The following ABCG2 variants were observed in gnomAD, a reference collection of about 807,000 sequenced individuals.
ABCG2 encodes ATP binding cassette subfamily G member 2 (JR blood group).
ABCG2 carries 80 observed loss-of-function variants against 73.5 expected under a neutral mutation model. The ratio of observed to expected loss-of-function variants is 1.09; its 90% CI spans 0.91 to 1.31. The LOEUF is 1.31. ABCG2 is among the 50% of genes most tolerant of loss of function. ABCG2 has a pLI of 0.00. For synonymous variants in ABCG2, 269 were observed against 282.4 expected, an observed-to-expected ratio of 0.95 and a Z score of 0.48; for missense variants, 796 against 786.2, an observed-to-expected ratio of 1.01 and a Z score of -0.15.
At chr4:88,143,112 T>C (rs1230591855) in intron 1 of ABCG2, among the ~76,000 whole-genome samples, 1 of 152,156 alleles carries the variant, frequency 6.6e-6, no homozygotes, top group Non-Finnish European at 1.5e-5. Context: ...TGATTTAAAG[T>C]ATATGGAACA....
chr4:88,165,332 G>C (rs1727473908), intron 1 of ABCG2, among the ~76,000 whole-genome samples: 1 of 152,132 alleles, frequency 6.6e-6, no homozygotes, highest in Admixed American at 6.5e-5. Context: ...TGGGTCTAGT[G>C]GTCTAAAATC....
At chr4:88,142,579 G>T (rs961548089) in intron 1 of ABCG2, among the ~76,000 whole-genome samples, 4 of 152,194 alleles carry the variant, frequency 2.6e-5, no homozygotes, top group African/African-American at 9.7e-5. Flanking sequence ...CAGTGAAAGA[G>T]AAGGCACAAG....
intron 12 of ABCG2, among the ~76,000 whole-genome samples, chr4:88,098,299 T>C (rs1305077648): frequency 6.6e-6 from 1 of 152,110 alleles, no homozygotes; most frequent in African/African-American, 2.4e-5. Context: ...GTTCTTATCT[T>C]GTAGTGTCAA....
intron 1 of ABCG2, among the ~76,000 whole-genome samples, chr4:88,197,817 A>T (rs904967249): frequency 6.6e-6 from 1 of 151,804 alleles, no homozygotes; most frequent in African/African-American, 2.4e-5. Context: ...AATAAATAAG[A>T]GGCCAGGAGT....
rs1002012563 is a variant in ABCG2 at position 88,097,565 on chromosome 4, G to C, written c.1535C>G (p.Thr512Ser). 9 of 1,614,168 alleles carry C rather than the reference G, an allele frequency of 5.6e-6. No homozygotes were observed. In the Admixed American group the frequency reaches 1.0e-4, roughly 18 times the overall value. The change falls in exon 13 of 16, where the codon ACC (threonine) becomes AGC (serine). Residue 512 changes from threonine to serine, a missense_variant. Thr to Ser is a moderately conservative substitution (Grantham distance 58). Transcript: ENST00000237612. The stretch of plus-strand genomic sequence containing the variant: ...GGCTGAATAAGCCACCATCATAAGG[G>C]TAAACATCATAACGAAGAAGGCATC... ...KADAFFVMMF[T>S]LMMVAYSASS...
intron 1 of ABCG2, among the ~76,000 whole-genome samples, chr4:88,190,134 T>C (rs1003357253): frequency 6.6e-6 from 1 of 152,266 alleles, no homozygotes; most frequent in South Asian, 2.1e-4. Flanking sequence ...ACAAGAGTTG[T>C]TGTTTGTTGG....
rs756267748 is a variant in ABCG2, at chr4:88,131,767, A to AGAG, written c.378+33_378+35dup. 3 of 1,494,464 alleles carry AGAG rather than the reference A, an allele frequency of 2.0e-6. No homozygotes were observed. In the Admixed American group the frequency reaches 5.1e-5, roughly 26 times the overall value. The allele number at this position is 1,494,464 out of a possible 1,614,324, so 92.6% of individuals were successfully genotyped here. On this transcript the variant is annotated intron_variant, in intron 4 of 15. Coordinates refer to ENST00000237612, the MANE Select transcript of ABCG2 (RefSeq NM_004827.3). ...CCAAAGCACTTACCCATATAGAAACAGAGGAAACAGAAAATGCAAACCCAC... is the reference window on the plus strand; with the variant it reads ...CCAAAGCACTTACCCATATAGAAACAGAGGAGGAAACAGAAAATGCAAACCCAC...
At chr4:88,163,760 A>ATGC, upstream of ABCG2, 1 of 409,446 alleles carries the variant, frequency 2.4e-6, no homozygotes, top group Non-Finnish European at 4.9e-6. Context: ...GGAACTCCAG[A>ATGC]TGTGTGTGTT....
chr4:88,222,491 C>T (rs532602863), intron 1 of ABCG2, among the ~76,000 whole-genome samples: 2 of 152,302 alleles, frequency 1.3e-5, no homozygotes, highest in Admixed American at 1.3e-4. Flanking sequence ...AGTTTCCCTG[C>T]ACAAGCTCTC....
intron 6 of ABCG2, among the ~76,000 whole-genome samples, chr4:88,121,350 G>A (rs936381962): frequency 6.6e-6 from 1 of 152,106 alleles, no homozygotes; most frequent in African/African-American, 2.4e-5. Flanking sequence ...GCAGAGAGAG[G>A]GAGAAAAAAT....
chr4:88,102,780 T>C (rs1031873165), intron 10 of ABCG2, among the ~76,000 whole-genome samples: 1 of 151,896 alleles, frequency 6.6e-6, no homozygotes, highest in African/African-American at 2.4e-5. Flanking sequence ...ATCATTTAAA[T>C]GGCGTAAAAA....
In ABCG2 at chr4:88,211,545, T is replaced by C. The variant is rs139539151; in HGVS notation, c.-20+19449A>G. Among the ~76,000 whole-genome samples the C allele has an allele frequency of 2.6e-3, 390 of 152,224 alleles. 3 individuals carry two copies. The highest frequency in any genetic ancestry group is 9.0e-3 in the African/African-American group (374 of 41,532). Reference sequence around the variant, plus strand: ...GATTCTTCTGCCTCAGACACCTGAGTAGCTGGGACTACCGGAGTACACCAC... The same window carrying C: ...GATTCTTCTGCCTCAGACACCTGAGCAGCTGGGACTACCGGAGTACACCAC... On this transcript the variant is annotated intron_variant, in intron 1 of 15. Transcript: ENST00000515655.
intron 1 of ABCG2, among the ~76,000 whole-genome samples, chr4:88,146,854 G>A (rs537242167): frequency 7.7e-4 from 105 of 136,118 alleles, no homozygotes; most frequent in African/African-American, 2.8e-3. Context: ...CTAAGCAACA[G>A]CGTAACCCTG....
chr4:88,092,081 T>C lies in ABCG2; in HGVS notation c.*153A>G. On this transcript the variant is annotated 3_prime_UTR_variant, in exon 16 of 16. Transcript: ENST00000237612. ...CTTTCATGTTTAATTCAGTTTGTTG[T>C]GATTTCTAAAAATGTATCTCTTTAA... The C allele has an allele frequency of 1.4e-6, 1 of 692,832 alleles. No individual in the cohort carries two copies. The highest frequency in any genetic ancestry group is 2.8e-5 in the East Asian group (1 of 35,632). 42.9% of individuals were successfully genotyped at this position (692,832 alleles called of 1,614,324 possible).
At chr4:88,180,406 T>TA (rs767993339) in intron 1 of ABCG2, among the ~76,000 whole-genome samples, 1 of 152,126 alleles carries the variant, frequency 6.6e-6, no homozygotes, top group Admixed American at 6.6e-5. Flanking sequence ...AGGCCTATCT[T>TA]ACAAGAAATG....
intron 12 of ABCG2, among the ~76,000 whole-genome samples, chr4:88,098,959 T>G (rs1160200872): frequency 6.6e-6 from 1 of 151,948 alleles, no homozygotes; most frequent in Non-Finnish European, 1.5e-5. Flanking sequence ...AAAAACTCCA[T>G]CTTTCTGTGT....
chr4:88,195,841 G>A (rs902447763), intron 1 of ABCG2, among the ~76,000 whole-genome samples: 1 of 152,166 alleles, frequency 6.6e-6, no homozygotes, highest in Non-Finnish European at 1.5e-5. Context: ...GTTTACTGAA[G>A]TTGTATGCAT....
At chr4:88,158,669 T>C (rs1279141492), upstream of ABCG2, 5 of 455,994 alleles carry the variant, frequency 1.1e-5, no homozygotes, top group African/African-American at 8.0e-5. Flanking sequence ...CCCGGAACCT[T>C]TTGAGTGGGC....
chr4:88,109,973 A>C (rs1395544506), intron 9 of ABCG2, among the ~76,000 whole-genome samples: 2 of 152,092 alleles, frequency 1.3e-5, no homozygotes, highest in Non-Finnish European at 2.9e-5. Context: ...TTTTAGAGAC[A>C]AAGTCTCACT....
Sources: gnomAD v4.1 joint callset for allele counts (sites outside exome capture counted in the v4.1 genomes callset) on GRCh38, gnomAD v4.1.1 for gene constraint, MANE v1.5 for transcripts, NCBI Gene and HGNC (gene_info 2026-07-23, HGNC 2026-07-21) for gene names.